The following STK33 variants were observed in gnomAD, a reference collection of about 807,000 sequenced individuals.
STK33 encodes the protein serine/threonine kinase 33.
STK33 carries 52 observed loss-of-function variants against 58.0 expected under a neutral mutation model. The ratio of observed to expected loss-of-function variants is 0.90; its 90% CI spans 0.72 to 1.13. STK33 has a LOEUF of 1.13. Among genes scored for constraint, STK33 ranks in the 50% most tolerant of loss-of-function variants. The probability of loss-of-function intolerance (pLI) is 0.00; values close to 1 mark genes in which losing one functional copy is unlikely to be tolerated. For synonymous variants in STK33, 215 were observed against 200.1 expected, an observed-to-expected ratio of 1.07 and a Z score of -0.63; for missense variants, 630 against 604.2, an observed-to-expected ratio of 1.04 and a Z score of -0.45.
chr11:8,462,498 A>G (rs965670725), intron 7 of STK33, among the ~76,000 whole-genome samples: 18 of 150,450 alleles, frequency 1.2e-4, no homozygotes, highest in African/African-American at 4.4e-4. Flanking sequence ...TATGTATGAA[A>G]AAATAATAGG....
chr11:8,370,202 C>CT, the STK33 span, among the ~76,000 whole-genome samples: 9,870 of 148,338 alleles, frequency 0.067, 923 homozygotes, highest in African/African-American at 0.22. Flanking sequence ...AAAGATGAGG[C>CT]TTTTTTTTTT....
chr11:8,436,502 ATACACTTTGGAGT>A lies in STK33; in HGVS notation c.948-376_948-364del, dbSNP rs377565037. On this transcript the variant is annotated intron_variant, in intron 12 of 15. Coordinates refer to ENST00000687296, the MANE Select transcript of STK33 (RefSeq NM_001352389.2). ...ATAATAGTGGTAGCTAATACAGGAG[ATACACTTTGGAGT>A]GAGCAACAGGAAGGTAATACCTTAA... Among the ~76,000 whole-genome samples the A allele has an allele frequency of 1.9e-3, 288 of 152,270 alleles. 1 individual carries two copies. Among genetic ancestry groups the A allele is most frequent in the African/African-American group, 6.7e-3 (280 of 41,552 alleles).
chr11:8,488,536 T>C (rs541624851), intron 1 of STK33, among the ~76,000 whole-genome samples: 1 of 152,176 alleles, frequency 6.6e-6, no homozygotes, highest in South Asian at 2.1e-4. Flanking sequence ...AACATGCACG[T>C]AGAGTTCCTT....
At chr11:8,337,930 T>C in the STK33 span, among the ~76,000 whole-genome samples, 2 of 152,142 alleles carry the variant, frequency 1.3e-5, no homozygotes, top group Non-Finnish European at 2.9e-5. Flanking sequence ...CATTTAAAAT[T>C]GCAACCCATC....
rs1394987945 is a variant in STK33 at position 8,454,728 on chromosome 11, C to T, written c.786+16G>A. ...ACTGTTTACAGGCAAATATTTACCA[C>T]CATTGCTAATCTTACCTTTATGTTT... On this transcript the variant is annotated intron_variant, in intron 10 of 15. Coordinates refer to ENST00000687296, the MANE Select transcript of STK33 (RefSeq NM_001352389.2). 6.4e-7 allele frequency: 1 copy of T among 1,561,488 alleles called. No individual in the cohort carries two copies. Among genetic ancestry groups the T allele is most frequent in the Non-Finnish European group, 8.7e-7 (1 of 1,152,388 alleles).
At chr11:8,371,003 G>A in the STK33 span, among the ~76,000 whole-genome samples, 1 of 152,154 alleles carries the variant, frequency 6.6e-6, no homozygotes, top group Admixed American at 6.5e-5. Context: ...CGAAGCTGAG[G>A]AGCATGGCTA....
At chr11:8,569,072 A>G (rs1449164740) in intron 1 of STK33, among the ~76,000 whole-genome samples, 2 of 152,248 alleles carry the variant, frequency 1.3e-5, no homozygotes, top group East Asian at 3.8e-4. Context: ...TCTTAAAAAC[A>G]TCACAAGGCA....
At chr11:8,453,766 A>T (rs987230759) in intron 10 of STK33, among the ~76,000 whole-genome samples, 3 of 152,344 alleles carry the variant, frequency 2.0e-5, no homozygotes, top group Middle Eastern at 3.4e-3. Flanking sequence ...TGCCTTATGG[A>T]GTAAGAAAAT....
intron 14 of STK33, among the ~76,000 whole-genome samples, chr11:8,416,193 C>T (rs981219465): frequency 6.6e-6 from 1 of 152,034 alleles, no homozygotes; most frequent in African/African-American, 2.4e-5. Context: ...GAATAAAATA[C>T]GAATGGAGTA....
chr11:8,592,199 T>C (rs1219451065), intron 1 of STK33, among the ~76,000 whole-genome samples: 3 of 151,984 alleles, frequency 2.0e-5, no homozygotes, highest in Non-Finnish European at 4.4e-5. Context: ...AAGTAACAAC[T>C]CGCCCCAGGC....
the STK33 span, among the ~76,000 whole-genome samples, chr11:8,374,050 G>A: frequency 0.015 from 2,325 of 152,340 alleles, 56 homozygotes; most frequent in African/African-American, 0.052. Flanking sequence ...CAATGCTTAT[G>A]TGTGTCTTCC....
intron 11 of STK33, among the ~76,000 whole-genome samples, chr11:8,451,599 T>G (rs1946285349): frequency 1.3e-5 from 2 of 152,180 alleles, no homozygotes; most frequent in Non-Finnish European, 2.9e-5. Context: ...TACCTGGGAC[T>G]GGGATAGGAA....
intron 6 of STK33, among the ~76,000 whole-genome samples, chr11:8,472,511 C>T (rs1327696727): frequency 6.6e-6 from 1 of 152,120 alleles, no homozygotes; most frequent in Non-Finnish European, 1.5e-5. Context: ...AGTGGTCAGT[C>T]AGCTGAGCAA....
chr11:8,367,680 C>T, the STK33 span, among the ~76,000 whole-genome samples: 1 of 152,178 alleles, frequency 6.6e-6, no homozygotes, highest in South Asian at 2.1e-4. Context: ...CACAGCAACC[C>T]TACGAAGTGG....
At chr11:8,438,693 A>T (rs1025084165) in intron 12 of STK33, among the ~76,000 whole-genome samples, 54 of 152,192 alleles carry the variant, frequency 3.5e-4, no homozygotes, top group Non-Finnish European at 4.9e-4. Context: ...CTTAACACCA[A>T]GTTCAAACTA....
At chr11:8,351,415 C>T in the STK33 span, among the ~76,000 whole-genome samples, 1 of 152,216 alleles carries the variant, frequency 6.6e-6, no homozygotes, top group Non-Finnish European at 1.5e-5. Context: ...GACCCGGTGG[C>T]CATCAGCCTC....
At chr11:8,396,807 G>T (rs182485044) in intron 15 of STK33, among the ~76,000 whole-genome samples, 109 of 152,326 alleles carry the variant, frequency 7.2e-4, no homozygotes, top group Non-Finnish European at 1.3e-3. Context: ...AGCACACCAG[G>T]AGATTATATC....
At chr11:8,480,222 G>A (rs1949681806) in intron 2 of STK33, among the ~76,000 whole-genome samples, 188 bp downstream of exon 2, 1 of 152,156 alleles carries the variant, frequency 6.6e-6, no homozygotes, top group African/African-American at 2.4e-5. Flanking sequence ...CTATCTCAGG[G>A]ACTACAAGTG....
At position 8,397,396 on chromosome 11, in the gene STK33, A is replaced by C. The variant is rs938762502; in HGVS notation, c.1345-4686T>G. 2.0e-5 allele frequency among the ~76,000 whole-genome samples: 3 copies of C among 152,258 alleles called. No homozygotes were observed. In the East Asian group the frequency reaches 5.8e-4, roughly 29 times the overall value. On this transcript the variant is annotated intron_variant, in intron 15 of 15. Coordinates refer to ENST00000687296, the MANE Select transcript of STK33 (RefSeq NM_001352389.2). The stretch of plus-strand genomic sequence containing the variant: ...GCAAACTCCAACAGACCTGCAGGTG[A>C]GGGTCCTGACTGTTAGAATAAAAAC...
Sources: gnomAD v4.1 joint callset for allele counts (sites outside exome capture counted in the v4.1 genomes callset) on GRCh38, gnomAD v4.1.1 for gene constraint, MANE v1.5 for transcripts, NCBI Gene and HGNC (gene_info 2026-07-23, HGNC 2026-07-21) for gene names.